PRDM16: variants seen among roughly 807,000 people sequenced by gnomAD.
The protein encoded by PRDM16 is PR/SET domain 16.
In PRDM16, 23 loss-of-function variants were observed where a neutral mutation model predicts 110.6. The observed-to-expected ratio is 0.21, with a 90% CI of 0.15 to 0.29. The LOEUF (loss-of-function observed/expected upper bound fraction) is 0.29. PRDM16 is among the 10% of genes least tolerant of loss of function. PRDM16 has a pLI of 1.00. For synonymous variants in PRDM16, 799 were observed against 781.8 expected (o/e 1.02, Z -0.37); for missense variants, 1,615 against 1,794.3 (o/e 0.90, Z 1.81).
At chr1:3,198,527 ACTGGGCCGTGGCCTT>A (rs1357053131) in intron 2 of PRDM16, among the ~76,000 whole-genome samples, 1 of 152,244 alleles carries the variant, frequency 6.6e-6, no homozygotes, top group Non-Finnish European at 1.5e-5. Context: ...TTGGCGTGGC[ACTGGGCCGTGGCCTT>A]CTGGGACGCG....
chr1:3,406,565 AC>A (rs1643566159), intron 8 of PRDM16, among the ~76,000 whole-genome samples: 1 of 149,060 alleles, frequency 6.7e-6, no homozygotes, highest in Non-Finnish European at 1.5e-5. Flanking sequence ...CACCATTTCT[AC>A]CAAAAAAAAA....
At chr1:3,181,528 G>A (rs185561168) in intron 1 of PRDM16, among the ~76,000 whole-genome samples, 1,184 of 24,568 alleles carry the variant, frequency 0.048, 388 homozygotes, top group African/African-American at 0.12. Flanking sequence ...TTACACAAGC[G>A]GTCTTACACA....
chr1:3,399,307 T>C (rs1643431243), intron 5 of PRDM16, among the ~76,000 whole-genome samples: 1 of 152,146 alleles, frequency 6.6e-6, no homozygotes, highest in Non-Finnish European at 1.5e-5. Context: ...GATAATAAGA[T>C]GGGAAACATT....
chr1:3,230,486 G>A (rs888202968), intron 2 of PRDM16, among the ~76,000 whole-genome samples: 5 of 152,264 alleles, frequency 3.3e-5, no homozygotes, highest in African/African-American at 1.2e-4. Context: ...GGGAAGTTGT[G>A]TGGATGGAAA....
chr1:3,219,351 G>A (rs977835131), intron 2 of PRDM16, among the ~76,000 whole-genome samples: 9 of 152,308 alleles, frequency 5.9e-5, no homozygotes, highest in African/African-American at 1.2e-4. Context: ...TCAGGGCAGC[G>A]GGCCCAGAAA....
intron 1 of PRDM16, among the ~76,000 whole-genome samples, chr1:3,110,059 C>T (rs572553771): frequency 5.0e-4 from 72 of 144,752 alleles, no homozygotes; most frequent in African/African-American, 1.8e-3. Flanking sequence ...ACACAGTGCT[C>T]GGGGGCTCCC....
intron 3 of PRDM16, among the ~76,000 whole-genome samples, chr1:3,269,915 CAGG>C (rs1640397177): frequency 7.0e-6 from 1 of 141,988 alleles, no homozygotes; most frequent in Non-Finnish European, 1.5e-5. Context: ...GAGGACAGTC[CAGG>C]AGGAGGACAA....
At chr1:3,156,051 A>T (rs1372158842) in intron 1 of PRDM16, among the ~76,000 whole-genome samples, 1 of 152,240 alleles carries the variant, frequency 6.6e-6, no homozygotes, top group Non-Finnish European at 1.5e-5. Context: ...GCTCTGTCAT[A>T]ATCCAGGACC....
chr1:3,251,333 G>A (rs976000068), intron 3 of PRDM16, among the ~76,000 whole-genome samples: 6 of 152,166 alleles, frequency 3.9e-5, no homozygotes, highest in African/African-American at 4.8e-5. Flanking sequence ...GGGCGCAGCC[G>A]TGAGGCACAG....
rs1171018150 is a variant in PRDM16, at chr1:3,244,395, G to C, written c.438+258G>C. ...GCCATCCGCCACTCTCCTAACTCCC[G>C]AGAGTGGAGGAGAGCCCTGTACCTG... is the stretch of plus-strand genomic sequence containing the variant. On this transcript the variant is annotated intron_variant, in intron 3 of 16. Transcript: ENST00000270722. This position sits in a 1 kb window ranked among gnomAD's most constrained non-coding sequence, Gnocchi z 4.1. Among the ~76,000 whole-genome samples the C allele has an allele frequency of 1.3e-5, 2 of 152,120 alleles. No individual in the cohort carries two copies. Among genetic ancestry groups the C allele is most frequent in the Non-Finnish European group, 2.9e-5 (2 of 68,022 alleles).
At chr1:3,114,721 C>T (rs934112678) in intron 1 of PRDM16, among the ~76,000 whole-genome samples, 2 of 152,282 alleles carry the variant, frequency 1.3e-5, no homozygotes, top group Non-Finnish European at 2.9e-5. Flanking sequence ...AGGCACCCTC[C>T]TGCAGCCGGG....
chr1:3,297,538 T>C (rs2500288), intron 3 of PRDM16, among the ~76,000 whole-genome samples: 75,449 of 151,712 alleles, frequency 0.5, 19,790 homozygotes, highest in East Asian at 0.68. Flanking sequence ...CCCACCTCAG[T>C]CTCCAAAAAC....
At chr1:3,121,807 C>G (rs1294190397) in intron 1 of PRDM16, among the ~76,000 whole-genome samples, 2 of 152,200 alleles carry the variant, frequency 1.3e-5, no homozygotes, top group Non-Finnish European at 2.9e-5. Context: ...CCAGCACCCC[C>G]TCCCCAGGCG....
chr1:3,143,239 A>T lies in PRDM16; in HGVS notation c.38-42886A>T, dbSNP rs1177875562. ...CTCTGATTTTTGCTGGCTGAGACAC[A>T]GGGACCCCTGGGTGTGCGGGACCGT... is the stretch of plus-strand genomic sequence containing the variant. On this transcript the variant is annotated intron_variant, in intron 1 of 16. Coordinates refer to ENST00000270722, the MANE Select transcript of PRDM16 (RefSeq NM_022114.4). The surrounding 1 kb of genome is among the most constrained non-coding windows in gnomAD (Gnocchi z 4.5). 1.3e-5 allele frequency among the ~76,000 whole-genome samples: 2 copies of T among 152,042 alleles called. No individual in the cohort carries two copies. The highest frequency in any genetic ancestry group is 3.9e-4 in the East Asian group (2 of 5,150).
chr1:3,181,796 A>G (rs34886760), intron 1 of PRDM16, among the ~76,000 whole-genome samples: 67,516 of 134,172 alleles, frequency 0.5, 16,985 homozygotes, highest in East Asian at 0.58. Flanking sequence ...TTACACATGC[A>G]GTCTTACACA....
At chr1:3,096,290 C>T (rs570786448) in intron 1 of PRDM16, among the ~76,000 whole-genome samples, 4 of 152,286 alleles carry the variant, frequency 2.6e-5, no homozygotes, top group African/African-American at 4.8e-5. Flanking sequence ...GCAGCCTCCT[C>T]GCTGTCCTGT....
At chr1:3,431,869 G>A (rs576360265) in intron 15 of PRDM16, 97 bp from the exon 16 acceptor site, 104 of 1,231,930 alleles carry the variant, frequency 8.4e-5, no homozygotes, top group South Asian at 1.4e-4. Context: ...ATGCAGCGGC[G>A]TGCATGCAGG....
chr1:3,418,282 C>A (rs776103731), intron 11 of PRDM16, among the ~76,000 whole-genome samples: 8 of 152,210 alleles, frequency 5.3e-5, no homozygotes, highest in Non-Finnish European at 1.2e-4. Context: ...CAGTGACTAA[C>A]CTCAGCGCTT....
intron 1 of PRDM16, among the ~76,000 whole-genome samples, chr1:3,118,233 G>A (rs1304389907): frequency 6.6e-6 from 1 of 152,146 alleles, no homozygotes; most frequent in East Asian, 1.9e-4. Flanking sequence ...GTGCACACAC[G>A]TGCATACACA....
Sources: allele counts gnomAD v4.1 joint callset (sites outside exome capture counted in the v4.1 genomes callset), GRCh38; gene constraint gnomAD v4.1.1; non-coding constraint Gnocchi (gnomAD v3.1); transcripts MANE v1.5; gene names NCBI Gene and HGNC (gene_info 2026-07-23, HGNC 2026-07-21).